Variants in TNS2 observed in about 807,000 individuals in gnomAD.
The protein encoded by TNS2 is tensin 2.
In TNS2, 77 loss-of-function variants were observed where a neutral mutation model predicts 155.7. That is an observed-to-expected ratio of 0.49 (90% CI 0.41 to 0.60). The LOEUF is 0.60. Among genes scored for constraint, TNS2 ranks in the 20% least tolerant of loss-of-function variants. The probability of loss-of-function intolerance (pLI) is 0.00; values close to 1 mark genes in which losing one functional copy is unlikely to be tolerated. For synonymous variants in TNS2, 726 were observed against 763.9 expected (o/e 0.95, Z 0.82); for missense variants, 1,703 against 1,868.8 (o/e 0.91, Z 1.64).
rs1379330614 is a variant in TNS2, at chr12:53,058,122, CAAG to C, written c.1095+26_1095+28del. 4.3e-6 allele frequency: 7 copies of C among 1,614,122 alleles called. No individual in the cohort carries two copies. Among genetic ancestry groups the C allele is most frequent in the African/African-American group, 1.3e-5 (1 of 75,048 alleles). On this transcript the variant is annotated intron_variant, in intron 14 of 28. Coordinates refer to ENST00000314250, the MANE Select transcript of TNS2 (RefSeq NM_170754.4). ...GTCATGGTGAGGGGGGTCCTGTCAA[CAAG>C]AAGAATCCTGGAGATGGGGCAGGGG...
chr12:53,057,957 CCT>C (rs1176556692), intron 13 of TNS2, 68 bp from the exon 14 acceptor site: 4 of 1,610,166 alleles, frequency 2.5e-6, no homozygotes, highest in East Asian at 2.2e-5. Context: ...CCTGGCTCCC[CCT>C]GACTGCATAG....
upstream of TNS2, among the ~76,000 whole-genome samples, chr12:53,047,873 C>T (rs1943783283): frequency 6.6e-6 from 1 of 152,216 alleles, no homozygotes; most frequent in African/African-American, 2.4e-5. Context: ...CCAGAGCCGC[C>T]GCCCTCCCTC....
upstream of TNS2, among the ~76,000 whole-genome samples, chr12:53,047,255 C>T (rs1943753911): frequency 6.9e-6 from 1 of 145,832 alleles, no homozygotes; most frequent in African/African-American, 2.5e-5. Context: ...CCGCCACTGC[C>T]ACCGCCTCCT....
intron 6 of TNS2, 106 bp downstream of exon 6, chr12:53,054,120 C>G: frequency 6.4e-7 from 1 of 1,568,508 alleles, no homozygotes; most frequent in Non-Finnish European, 8.7e-7. Context: ...CAGCCCCCCA[C>G]CCCCAAAGCG....
chr12:53,057,170 C>A, intron 11 of TNS2, 74 bp downstream of exon 11: 6 of 1,465,006 alleles, frequency 4.1e-6, no homozygotes, highest in South Asian at 1.2e-5. Context: ...CTCTCTTATT[C>A]ATGCAGCACA....
rs1592256106 is a variant in TNS2, at chr12:53,060,492, C to T, written c.2705C>T (p.Ser902Leu). 3 of 1,613,868 alleles carry T rather than the reference C, an allele frequency of 1.9e-6. No individual in the cohort carries two copies. Among genetic ancestry groups the T allele is most frequent in the Non-Finnish European group, 2.5e-6 (3 of 1,179,988 alleles). ...RSPRDAPCSA[S>L]SELSGPSTPL... ...CCCCGAGATGCCCCATGCAGTGCTT[C>T]GTCAGAGTTGTCTGGTCCCTCCACG... Residue 902 changes from serine to leucine, a missense_variant, in exon 19 of 29, where the codon TCG becomes TTG. Physicochemically the swap from Ser to Leu is moderately radical, Grantham distance 145 (BLOSUM62 -2). Transcript: ENST00000314250. The surrounding 1 kb of genome is among the most constrained non-coding windows in gnomAD (Gnocchi z 6.1).
Position 53,057,765 on chromosome 12 carries a change from C to T in TNS2, c.959-8C>T, listed in dbSNP as rs771655456. ...ACCCCTCCTGTGCCTTCTCCTCTGC[C>T]CCTCCAGGCTTCCAGCCCTTCCTTA... is the stretch of plus-strand genomic sequence containing the variant. On this transcript the variant is annotated splice_polypyrimidine_tract_variant and splice_region_variant and intron_variant, in intron 12 of 28. Transcript: ENST00000314250. 14 of 1,614,044 alleles carry T rather than the reference C, an allele frequency of 8.7e-6. No individual in the cohort carries two copies. The highest frequency in any genetic ancestry group is 1.3e-5 in the African/African-American group (1 of 74,938).
In TNS2 at chr12:53,058,825, A is replaced by T; in HGVS notation, c.1403A>T (p.Asp468Val). Residue 468 changes from aspartate (D) to valine (V), a missense_variant and splice_region_variant, in exon 17 of 29, where the codon GAT becomes GTT. Transcript: ENST00000314250. ...AACCAGCACCACGAGGACAGTGTGG[A>T]TGGTGCGCAGGCAGCCTGCAGGGTG... ...NFNQHHEDSV[D>V]GSLTHTRGPL... The T allele has an allele frequency of 1.9e-6, 3 of 1,613,136 alleles. No homozygotes were observed. The highest frequency in any genetic ancestry group is 2.5e-6 in the Non-Finnish European group (3 of 1,179,862).
Position 53,054,307 on chromosome 12 carries a change from G to C in TNS2, c.388G>C (p.Asp130His), listed in dbSNP as rs1258187290. The C allele has an allele frequency of 1.2e-6, 2 of 1,613,220 alleles. No homozygotes were observed. Among genetic ancestry groups the C allele is most frequent in the African/African-American group, 2.7e-5 (2 of 74,916 alleles). Residue 130 changes from aspartate to histidine, a missense_variant, in exon 7 of 29, where the codon GAC becomes CAC. Asp to His is a moderately conservative substitution (Grantham distance 81, BLOSUM62 -1). Coordinates refer to ENST00000314250, the MANE Select transcript of TNS2 (RefSeq NM_170754.4). ...GGACCCGCTCATGGAGCGGCGCTGG[G>C]ACTTAGACCTCACCTACGTGACGGA... is the stretch of plus-strand genomic sequence containing the variant. ...SLDPLMERRW[D>H]LDLTYVTERI...
At position 53,063,068 on chromosome 12, in the gene TNS2, A is replaced by AC. The variant is rs748961329; in HGVS notation, c.3824-18dup. The AC allele has an allele frequency of 6.6e-7, 1 of 1,515,112 alleles. No homozygotes were observed. The highest frequency in any genetic ancestry group is 1.4e-5 in the African/African-American group (1 of 71,724). The allele number at this position is 1,515,112 out of a possible 1,614,324, so 93.9% of individuals were successfully genotyped here. On this transcript the variant is annotated intron_variant, in intron 25 of 28. Transcript: ENST00000314250. This position sits in a 1 kb window ranked among gnomAD's most constrained non-coding sequence, Gnocchi z 5.6. ...CTAGGGGATGGGCACTCCCTCCCTG[A>AC]CCCACTCCCTGCCCCTGTAGCCTGC...
In TNS2 at chr12:53,057,797, A is replaced by G. The variant is rs1592250488; in HGVS notation, c.983A>G (p.Tyr328Cys). Residue 328 changes from tyrosine to cysteine, a missense_variant, in exon 13 of 29, where the codon TAC (tyrosine) becomes TGC (cysteine). Tyr to Cys is a radical substitution (Grantham distance 194). Transcript: ENST00000314250. ...GGCTTCCAGCCCTTCCTTAAAATCT[A>G]CCAGTCCATGCAGCTTGTCTACACA... The part of the protein sequence containing the change: ...GTGFQPFLKI[Y>C]QSMQLVYTSG... 1 of 1,613,622 alleles carries G rather than the reference A, an allele frequency of 6.2e-7. No homozygotes were observed. The highest frequency in any genetic ancestry group is 8.5e-7 in the Non-Finnish European group (1 of 1,179,996).
In TNS2 at chr12:53,058,828, G is replaced by A; in HGVS notation, c.1405+1G>A. Reference sequence around the variant, plus strand: ...CAGCACCACGAGGACAGTGTGGATGGTGCGCAGGCAGCCTGCAGGGTGGGA... The same window carrying A: ...CAGCACCACGAGGACAGTGTGGATGATGCGCAGGCAGCCTGCAGGGTGGGA... On this transcript the variant is annotated splice_donor_variant, in intron 17 of 28. Transcript: ENST00000314250. LOFTEE classifies it high-confidence loss of function. 1 of 1,613,138 alleles carries A rather than the reference G, an allele frequency of 6.2e-7. No homozygotes were observed. Among genetic ancestry groups the A allele is most frequent in the East Asian group, 2.2e-5 (1 of 44,866 alleles).
intron 22 of TNS2, 23 bp downstream of exon 22, chr12:53,061,963 T>A: frequency 6.2e-7 from 1 of 1,607,926 alleles, no homozygotes; most frequent in Non-Finnish European, 8.5e-7. Context: ...CAAACCTGAG[T>A]GGGGTGGGGA....
At chr12:53,057,294 TA>T (rs1944194443) in intron 11 of TNS2, among the ~76,000 whole-genome samples, 198 bp downstream of exon 11, 1 of 152,100 alleles carries the variant, frequency 6.6e-6, no homozygotes, top group African/African-American at 2.4e-5. Flanking sequence ...GACCTGGGAA[TA>T]AATAGACGAG....
intron 10 of TNS2, 103 bp from the exon 11 acceptor site, chr12:53,056,910 G>A: frequency 8.8e-7 from 1 of 1,135,382 alleles, no homozygotes; most frequent in South Asian, 1.4e-5. Context: ...GCTTCTTCTA[G>A]ACTTAGAGAA....
chr12:53,063,063 C>G lies in TNS2; in HGVS notation c.3824-26C>G. 6.6e-7 allele frequency: 1 copy of G among 1,514,378 alleles called. No homozygotes were observed. 93.8% of individuals were successfully genotyped at this position (1,514,378 alleles called of 1,614,324 possible). Reference sequence around the variant, plus strand: ...GGTGGCTAGGGGATGGGCACTCCCTCCCTGACCCACTCCCTGCCCCTGTAG... The same window carrying G: ...GGTGGCTAGGGGATGGGCACTCCCTGCCTGACCCACTCCCTGCCCCTGTAG... On this transcript the variant is annotated intron_variant, in intron 25 of 28. Coordinates refer to ENST00000314250, the MANE Select transcript of TNS2 (RefSeq NM_170754.4). The surrounding 1 kb of genome is among the most constrained non-coding windows in gnomAD (Gnocchi z 5.6).
intron 1 of TNS2, among the ~76,000 whole-genome samples, chr12:53,051,382 T>C (rs556148852): frequency 1.3e-5 from 2 of 152,216 alleles, no homozygotes; most frequent in Admixed American, 1.3e-4. Flanking sequence ...CAGCAGGAGC[T>C]AAAGGAGCAG....
intron 6 of TNS2, 64 bp from the exon 7 acceptor site, chr12:53,054,206 C>G: frequency 1.9e-6 from 3 of 1,606,038 alleles, no homozygotes; most frequent in South Asian, 1.1e-5. Context: ...GACAGCCTTC[C>G]CGTCACACTA....
chr12:53,053,775 G>T lies in TNS2; in HGVS notation c.263G>T (p.Arg88Leu), dbSNP rs762692554. ...ACQALPPVEL[R>L]RNTAPVRRIE... The stretch of plus-strand genomic sequence containing the variant: ...TTTTCCTCCCCCATCTCCCTCTAGC[G>T]GCGAAACACGGCCCCAGTCAGGCGC... The change falls in exon 5 of 29, where the codon CGG becomes CTG. Residue 88 changes from arginine (R) to leucine (L), a missense_variant and splice_region_variant. Coordinates refer to ENST00000314250, the MANE Select transcript of TNS2 (RefSeq NM_170754.4). 11 of 1,611,472 alleles carry T rather than the reference G, an allele frequency of 6.8e-6. No individual in the cohort carries two copies. Among genetic ancestry groups the T allele is most frequent in the Non-Finnish European group, 9.3e-6 (11 of 1,179,178 alleles).
Sources: gnomAD v4.1 joint callset for allele counts (sites outside exome capture counted in the v4.1 genomes callset) on GRCh38, gnomAD v4.1.1 for gene constraint, Gnocchi (gnomAD v3.1) non-coding constraint, MANE v1.5 for transcripts, NCBI Gene and HGNC (gene_info 2026-07-23, HGNC 2026-07-21) for gene names.